Variants in SETD3 observed in about 807,000 individuals in gnomAD.
SETD3 encodes actin-histidine N-methyltransferase.
In SETD3, 19 loss-of-function variants were observed where a neutral mutation model predicts 63.0. That is an observed-to-expected ratio of 0.30 (90% CI 0.21 to 0.44). SETD3 has a LOEUF of 0.44. Ranked by LOEUF, SETD3 falls within the 20% of genes least tolerant of loss-of-function variation. SETD3 has a pLI of 1.00. For missense variants in SETD3, 587 were observed against 728.5 expected (o/e 0.81, Z 2.24); for synonymous variants, 286 against 264.1 (o/e 1.08, Z -0.80).
intron 1 of SETD3, among the ~76,000 whole-genome samples, chr14:99,476,731 C>T (rs1038669889): frequency 6.6e-6 from 1 of 152,120 alleles, no homozygotes; most frequent in African/African-American, 2.4e-5. Context: ...TGAGACTGAA[C>T]ATTGTAAACC....
At position 99,458,465 on chromosome 14, in the gene SETD3, A is replaced by G; in HGVS notation, c.489T>C (p.Cys163=). 6.2e-7 allele frequency: 1 copy of G among 1,614,214 alleles called. No individual in the cohort carries two copies. The highest frequency in any genetic ancestry group is 8.5e-7 in the Non-Finnish European group (1 of 1,180,042). Residue 163 remains cysteine (C), a synonymous_variant, in exon 6 of 13, where the codon TGT becomes TGC. Transcript: ENST00000331768. The part of the protein sequence containing the change: ...GNIALAFHLL[C]ERASPNSFWQ... The stretch of plus-strand genomic sequence containing the variant: ...AGAAGGAGTTAGGGCTGGCTCGCTC[A>G]CACAGCAAATGAAAGGCCAGTGCGA...
At chr14:99,447,698 G>GT (rs891181629) in intron 6 of SETD3, among the ~76,000 whole-genome samples, 1 of 152,204 alleles carries the variant, frequency 6.6e-6, no homozygotes, top group Admixed American at 6.5e-5. Flanking sequence ...CTAAGTCCTA[G>GT]TTTTTTCAGT....
chr14:99,419,761 C>T (rs1342053108), intron 6 of SETD3, among the ~76,000 whole-genome samples: 2 of 145,336 alleles, frequency 1.4e-5, no homozygotes, highest in Non-Finnish European at 3.0e-5. Context: ...GGCGACAGAG[C>T]GAGACTCCGT....
chr14:99,461,340 C>G lies in SETD3; in HGVS notation c.197G>C (p.Gly66Ala), dbSNP rs1401483376. ...LVEKIRKKQKGLSVTFDGKRE... is the reference protein window; with the variant it reads ...LVEKIRKKQKALSVTFDGKRE... ...TTTTCCATCAAAAGTAACGGACAGA[C>G]CTATATTAATCCACGTTTTAGAAAA... The change falls in exon 4 of 13, where the codon GGT becomes GCT. Residue 66 changes from glycine (G) to alanine (A), a missense_variant and splice_region_variant. By Grantham distance (60) the Gly-to-Ala change is moderately conservative (BLOSUM62 0). Coordinates refer to ENST00000331768, the MANE Select transcript of SETD3 (RefSeq NM_032233.3). 6.2e-7 allele frequency: 1 copy of G among 1,611,532 alleles called. No homozygotes were observed. Among genetic ancestry groups the G allele is most frequent in the Admixed American group, 1.7e-5 (1 of 59,334 alleles).
At chr14:99,469,969 G>A (rs2139807297) in intron 1 of SETD3, among the ~76,000 whole-genome samples, 1 of 152,298 alleles carries the variant, frequency 6.6e-6, no homozygotes, top group East Asian at 1.9e-4. Flanking sequence ...ATTCTACACT[G>A]TGTAGGTTTC....
intron 6 of SETD3, among the ~76,000 whole-genome samples, chr14:99,452,944 C>T (rs543835172): frequency 2.2e-4 from 33 of 152,290 alleles, no homozygotes; most frequent in African/African-American, 7.7e-4. Context: ...ATAAAAATTG[C>T]GAATGAGGTT....
At chr14:99,411,769 A>G (rs1011118579) in intron 8 of SETD3, 12 of 152,278 alleles carry the variant, frequency 7.9e-5, no homozygotes, top group Admixed American at 7.8e-4. Context: ...ATTAATGAAA[A>G]TAAGTTATAA....
Position 99,398,602 on chromosome 14 carries a change from C to A in SETD3, c.*77G>T, listed in dbSNP as rs1891206585. ...CTCTCTGCAGAAAGAAAAATGTTAA[C>A]AAGGAAACACAGCGATGTGAACGGA... is the stretch of plus-strand genomic sequence containing the variant. On this transcript the variant is annotated 3_prime_UTR_variant, in exon 13 of 13. Transcript: ENST00000331768. 3.8e-6 allele frequency: 5 copies of A among 1,332,698 alleles called. No homozygotes were observed. In the South Asian group the frequency reaches 6.9e-5, roughly 18 times the overall value. 82.6% of individuals were successfully genotyped at this position (1,332,698 alleles called of 1,614,324 possible).
chr14:99,450,161 C>T (rs1433743311), intron 6 of SETD3, among the ~76,000 whole-genome samples: 1 of 152,212 alleles, frequency 6.6e-6, no homozygotes, highest in African/African-American at 2.4e-5. Context: ...CTATATACAG[C>T]GTATGCTACT....
chr14:99,466,094 T>C (rs1440103211), intron 1 of SETD3, among the ~76,000 whole-genome samples: 2 of 152,156 alleles, frequency 1.3e-5, no homozygotes, highest in Admixed American at 1.3e-4. Context: ...TTTTTTTTAA[T>C]TACATAGATT....
At chr14:99,433,338 C>T (rs1893287085) in intron 6 of SETD3, among the ~76,000 whole-genome samples, 1 of 151,832 alleles carries the variant, frequency 6.6e-6, no homozygotes, top group African/African-American at 2.4e-5. Context: ...ACTGGATTTC[C>T]AAAACTTATA....
At position 99,413,016 on chromosome 14, in the gene SETD3, C is replaced by A. The variant is rs1385211127; in HGVS notation, c.784G>T (p.Asp262Tyr). 6.2e-7 allele frequency: 1 copy of A among 1,614,080 alleles called. No homozygotes were observed. The highest frequency in any genetic ancestry group is 8.5e-7 in the Non-Finnish European group (1 of 1,179,980). The change falls in exon 8 of 13, where the codon GAT becomes TAT. Residue 262 changes from aspartate to tyrosine, a missense_variant. Asp to Tyr is a radical substitution (Grantham distance 160). Transcript: ENST00000331768. ...MTRQNQIPTE[D>Y]GSRVTLALIP... is the part of the protein sequence containing the mutation. ...AGAGCCAGGGTCACGCGGGAACCAT[C>A]CTCTGTGGGAATTTGGTTTTGCCTC...
At chr14:99,431,202 G>C (rs1893157699) in intron 6 of SETD3, among the ~76,000 whole-genome samples, 1 of 152,090 alleles carries the variant, frequency 6.6e-6, no homozygotes, top group Non-Finnish European at 1.5e-5. Context: ...CCACCAAGTG[G>C]GTCCCTTACA....
rs564615641 is a variant in SETD3 at position 99,472,434 on chromosome 14, T to C, written c.-8-6621A>G. Among the ~76,000 whole-genome samples, 4 of 152,366 alleles carry C rather than the reference T, an allele frequency of 2.6e-5. No homozygotes were observed. The East Asian group carries it at 7.7e-4, about 29-fold the overall frequency. On this transcript the variant is annotated intron_variant, in intron 1 of 12. Transcript: ENST00000331768. ...TTTAAATAACTACCCTTTTCATTTA[T>C]GATTCAAAAGTCTGTTATATACCGT...
chr14:99,474,591 A>G (rs1226227867), intron 1 of SETD3, among the ~76,000 whole-genome samples: 2 of 152,094 alleles, frequency 1.3e-5, no homozygotes, highest in East Asian at 3.9e-4. Flanking sequence ...TTGGCCAGGC[A>G]CAGTGGCTCA....
chr14:99,412,755 A>G lies in SETD3; in HGVS notation c.849+196T>C, dbSNP rs946398697. The G allele has an allele frequency of 5.1e-5, 28 of 551,464 alleles. No individual in the cohort carries two copies. The Admixed American group carries it at 6.9e-4, about 14-fold the overall frequency. 34.2% of individuals were successfully genotyped at this position (551,464 alleles called of 1,614,324 possible). On this transcript the variant is annotated intron_variant, in intron 8 of 12. Coordinates refer to ENST00000331768, the MANE Select transcript of SETD3 (RefSeq NM_032233.3). ...ATTCAAGCTCCCAGTTTTCAGTATT[A>G]GTCAATGCAGTAAAAGAAAAATACC...
upstream of SETD3, among the ~76,000 whole-genome samples, chr14:99,484,575 G>A (rs1896436633): frequency 6.6e-6 from 1 of 152,244 alleles, no homozygotes; most frequent in Non-Finnish European, 1.5e-5. Context: ...CCTGGTAGAA[G>A]TTAAAGAGTC....
At chr14:99,481,289 C>A (rs986943289), upstream of SETD3, 14 of 394,124 alleles carry the variant, frequency 3.6e-5, no homozygotes, top group Non-Finnish European at 5.8e-5. Context: ...AGGAGAGCGG[C>A]GGCTCGTTCC....
In SETD3 at chr14:99,458,285, G is replaced by T; in HGVS notation, c.669C>A (p.Val223=). 2 of 1,610,896 alleles carry T rather than the reference G, an allele frequency of 1.2e-6. No homozygotes were observed. The highest frequency in any genetic ancestry group is 2.2e-5 in the East Asian group (1 of 44,794). The change falls in exon 6 of 13, where the codon GTC becomes GTA. Residue 223 remains valine (V), a synonymous_variant. Transcript: ENST00000331768. ...TARQYAYFYK[V]IQTHPHANKL... is the part of the protein sequence containing the mutation. ...ATTGCAAACAGCTGCTCACCTGGAT[G>T]ACTTTATAGAAGTAGGCGTACTGTC...
Sources: gnomAD v4.1 joint callset for allele counts (sites outside exome capture counted in the v4.1 genomes callset) on GRCh38, gnomAD v4.1.1 for gene constraint, MANE v1.5 for transcripts, NCBI Gene and HGNC (gene_info 2026-07-23, HGNC 2026-07-21) for gene names.